ITK: variants seen among roughly 807,000 people sequenced by gnomAD.
ITK encodes tyrosine-protein kinase ITK/TSK.
ITK carries 45 observed loss-of-function variants against 87.6 expected under a neutral mutation model. That is an observed-to-expected ratio of 0.51 (90% CI 0.40 to 0.66). The LOEUF (loss-of-function observed/expected upper bound fraction) is 0.66. Among genes scored for constraint, ITK ranks in the 30% least tolerant of loss-of-function variants. The probability of loss-of-function intolerance (pLI) is 0.00; values close to 1 mark genes in which losing one functional copy is unlikely to be tolerated. For synonymous variants in ITK, 303 were observed against 273.6 expected (o/e 1.11, Z -1.06); for missense variants, 605 against 766.3 (o/e 0.79, Z 2.48).
chr5:157,232,414 CT>C lies in ITK; in HGVS notation c.768+24del, dbSNP rs1754675987. 6.4e-7 allele frequency: 1 copy of C among 1,554,512 alleles called. No individual in the cohort carries two copies. The highest frequency in any genetic ancestry group is 1.4e-5 in the African/African-American group (1 of 73,540). Reference sequence around the variant, plus strand: ...GACACAGTAAGTCTCCTTAACCTGTCTTTTGACATAAAATAAAATGAATTAA... The same window carrying C: ...GACACAGTAAGTCTCCTTAACCTGTCTTTGACATAAAATAAAATGAATTAA... On this transcript the variant is annotated intron_variant, in intron 8 of 16. Coordinates refer to ENST00000422843, the MANE Select transcript of ITK (RefSeq NM_005546.4).
At position 157,245,285 on chromosome 5, in the gene ITK, A is replaced by G. The variant is rs187012954; in HGVS notation, c.1450-441A>G. The G allele has an allele frequency of 6.0e-4, 149 of 250,156 alleles. 1 individual carries two copies. The highest frequency in any genetic ancestry group is 3.2e-3 in the African/African-American group (144 of 44,542). The allele number at this position is 250,156 out of a possible 1,614,324, so 15.5% of individuals were successfully genotyped here. On this transcript the variant is annotated intron_variant, in intron 13 of 16. Transcript: ENST00000422843. ...AGTGTTATCTCCAATGGCTTTTTCAATGCAACAGTCTATAATACTAATTAG... is the reference window on the plus strand; with the variant it reads ...AGTGTTATCTCCAATGGCTTTTTCAGTGCAACAGTCTATAATACTAATTAG...
At chr5:157,235,714 A>G (rs1233658522) in intron 8 of ITK, among the ~76,000 whole-genome samples, 1 of 152,204 alleles carries the variant, frequency 6.6e-6, no homozygotes, top group African/African-American at 2.4e-5. Flanking sequence ...TTTCAGAGAC[A>G]CTCTTAAAGT....
intron 7 of ITK, among the ~76,000 whole-genome samples, chr5:157,229,074 G>A (rs1194203688): frequency 6.6e-6 from 1 of 152,076 alleles, no homozygotes; most frequent in Non-Finnish European, 1.5e-5. Flanking sequence ...ATAAGAATCT[G>A]TAATAAATAG....
At chr5:157,221,893 G>A (rs559289526) in intron 5 of ITK, among the ~76,000 whole-genome samples, 21 of 151,974 alleles carry the variant, frequency 1.4e-4, no homozygotes, top group Non-Finnish European at 2.8e-4. Context: ...GCTCATTCCT[G>A]TACTCCCAGC....
chr5:157,194,007 C>T (rs775091475), intron 1 of ITK, among the ~76,000 whole-genome samples: 1 of 152,046 alleles, frequency 6.6e-6, no homozygotes, highest in Non-Finnish European at 1.5e-5. Flanking sequence ...GGTGAGGAAG[C>T]AATGGAGCTA....
At chr5:157,193,930 T>G (rs1753802078) in intron 1 of ITK, among the ~76,000 whole-genome samples, 1 of 152,158 alleles carries the variant, frequency 6.6e-6, no homozygotes, top group Non-Finnish European at 1.5e-5. Flanking sequence ...GACTGAACAC[T>G]TTGTTAAGTA....
chr5:157,190,438 C>T (rs163316), intron 1 of ITK, among the ~76,000 whole-genome samples: 15,469 of 152,188 alleles, frequency 0.1, 920 homozygotes, highest in Middle Eastern at 0.14. Context: ...CCAGGCACCA[C>T]GCTAGATGTG....
chr5:157,185,707 G>T (rs1312885432), intron 1 of ITK, among the ~76,000 whole-genome samples: 1 of 151,222 alleles, frequency 6.6e-6, no homozygotes, highest in Non-Finnish European at 1.5e-5. Flanking sequence ...AGCCAGATGT[G>T]GTGCTGCATG....
chr5:157,242,405 T>C (rs189855293), intron 11 of ITK, among the ~76,000 whole-genome samples: 232 of 152,270 alleles, frequency 1.5e-3, no homozygotes, highest in African/African-American at 5.4e-3. Flanking sequence ...TCTTCTAGAA[T>C]GCTTATTAAA....
chr5:157,213,429 G>C, intron 3 of ITK: 1 of 357,218 alleles, frequency 2.8e-6, no homozygotes, highest in South Asian at 2.2e-5. Context: ...CCAGGCTGGA[G>C]TGCAGTAGCA....
At chr5:157,241,423 C>A in intron 10 of ITK, 2 of 441,294 alleles carry the variant, frequency 4.5e-6, no homozygotes, top group Non-Finnish European at 8.2e-6. Context: ...CTTCTATTAG[C>A]AAGCTATCTT....
intron 1 of ITK, among the ~76,000 whole-genome samples, chr5:157,187,156 T>C (rs1753661779): frequency 1.3e-5 from 2 of 152,258 alleles, no homozygotes; most frequent in Non-Finnish European, 2.9e-5. Flanking sequence ...CCTCCTGTCC[T>C]GTTCTACCAC....
chr5:157,248,838 C>T lies in ITK; in HGVS notation c.1634-12C>T. On this transcript the variant is annotated splice_polypyrimidine_tract_variant and intron_variant, in intron 15 of 16. Transcript: ENST00000422843. ...TTGTCATTCACTGTGCTGTGCTCAC[C>T]ATTTCTTGTAGGTGTGCTGATGTGG... 4 of 1,613,888 alleles carry T rather than the reference C, an allele frequency of 2.5e-6. No individual in the cohort carries two copies. Among genetic ancestry groups the T allele is most frequent in the South Asian group, 1.1e-5 (1 of 91,068 alleles).
At chr5:157,239,210 C>T (rs779141904) in intron 9 of ITK, among the ~76,000 whole-genome samples, 1 of 152,174 alleles carries the variant, frequency 6.6e-6, no homozygotes, top group Non-Finnish European at 1.5e-5. Context: ...AGGACAAAGA[C>T]TTATTGAGAT....
intron 1 of ITK, among the ~76,000 whole-genome samples, chr5:157,198,123 GAA>G (rs71577320): frequency 8.5e-5 from 11 of 128,800 alleles, no homozygotes; most frequent in Admixed American, 2.3e-4. Flanking sequence ...TATCTCTTAA[GAA>G]AAAAAAAAAA....
chr5:157,244,953 C>T (rs140643592), intron 13 of ITK: 14 of 214,620 alleles, frequency 6.5e-5, no homozygotes, highest in East Asian at 5.5e-4. Context: ...CAGCTGGGTG[C>T]GGTGGCTCAT....
chr5:157,212,833 C>T (rs1033493131), intron 3 of ITK, among the ~76,000 whole-genome samples: 1 of 151,662 alleles, frequency 6.6e-6, no homozygotes, highest in Non-Finnish European at 1.5e-5. Flanking sequence ...AGAGCAAGAC[C>T]CTGTTCTTAC....
intron 6 of ITK, among the ~76,000 whole-genome samples, chr5:157,223,752 G>T (rs1355388182): frequency 6.6e-6 from 1 of 151,914 alleles, no homozygotes; most frequent in Non-Finnish European, 1.5e-5. Context: ...GAACACTTAG[G>T]TTATCTCCAA....
intron 7 of ITK, among the ~76,000 whole-genome samples, chr5:157,230,624 T>A (rs1754631559): frequency 6.6e-6 from 1 of 152,190 alleles, no homozygotes; most frequent in Non-Finnish European, 1.5e-5. Flanking sequence ...GGTATATGCT[T>A]AAATAAAATA....
Sources: allele counts gnomAD v4.1 joint callset (sites outside exome capture counted in the v4.1 genomes callset), GRCh38; gene constraint gnomAD v4.1.1; transcripts MANE v1.5; gene names NCBI Gene and HGNC (gene_info 2026-07-23, HGNC 2026-07-21).